CNTN2: variants seen among roughly 807,000 people sequenced by gnomAD.
CNTN2 encodes contactin-2.
Under a neutral mutation model 117.5 loss-of-function variants are expected in CNTN2, and 53 were observed. The observed-to-expected ratio is 0.45, with a 90% CI of 0.36 to 0.57. The LOEUF is 0.57. Ranked by LOEUF, CNTN2 falls within the 20% of genes least tolerant of loss-of-function variation. The pLI, the probability that CNTN2 is intolerant of heterozygous loss-of-function variation, is 0.00. For missense variants in CNTN2, 1,106 were observed against 1,404.3 expected (o/e 0.79, Z 3.39); for synonymous variants, 530 against 561.7 (o/e 0.94, Z 0.80).
Position 205,074,027 on chromosome 1 carries a change from G to A in CNTN2, c.*262G>A. The stretch of plus-strand genomic sequence containing the variant: ...CACTGACGCCTATACCTGAGCTCTA[G>A]GCTGCCTGGAGGGAAGGAACAGGCC... On this transcript the variant is annotated 3_prime_UTR_variant, in exon 23 of 23. Coordinates refer to ENST00000331830, the MANE Select transcript of CNTN2 (RefSeq NM_005076.5). 1 of 588,992 alleles carries A rather than the reference G, an allele frequency of 1.7e-6. No individual in the cohort carries two copies. Among genetic ancestry groups the A allele is most frequent in the Non-Finnish European group, 3.0e-6 (1 of 331,420 alleles). 36.5% of individuals were successfully genotyped at this position (588,992 alleles called of 1,614,324 possible).
At chr1:205,071,764 G>A (rs946789966) in intron 19 of CNTN2, among the ~76,000 whole-genome samples, 183 bp from the exon 20 acceptor site, 3 of 152,184 alleles carry the variant, frequency 2.0e-5, no homozygotes, top group African/African-American at 7.2e-5. Context: ...CCAACAGACA[G>A]CAGGGACTCA....
intron 1 of CNTN2, among the ~76,000 whole-genome samples, chr1:205,049,789 T>C (rs1446175298): frequency 6.6e-6 from 1 of 152,220 alleles, no homozygotes; most frequent in Admixed American, 6.5e-5. Flanking sequence ...ATTTTCCAAC[T>C]TTTTGGAGCC....
In CNTN2 at chr1:205,067,952, A is replaced by AAAG. The variant is rs1553347452; in HGVS notation, c.2125+704_2125+705insGAA. 37 of 153,134 alleles carry AAAG rather than the reference A, an allele frequency of 2.4e-4. No homozygotes were observed. The East Asian group carries it at 2.4e-3, about 10-fold the overall frequency. The allele number at this position is 153,134 out of a possible 1,614,324, so 9.5% of individuals were successfully genotyped here. On this transcript the variant is annotated intron_variant, in intron 16 of 22. Transcript: ENST00000331830. ...CAAAAAAAAAAAAAAAAAAAAAAAA[A>AAAG]AAAGAAAGAAAAAAAGGAAATCAGT...
At position 205,065,139 on chromosome 1, in the gene CNTN2, C is replaced by T; in HGVS notation, c.1572C>T (p.Asp524=). 6.2e-7 allele frequency: 1 copy of T among 1,614,162 alleles called. No individual in the cohort carries two copies. Among genetic ancestry groups the T allele is most frequent in the East Asian group, 2.2e-5 (1 of 44,866 alleles). ...APSSADINLG[D]NLTLQCHASH... is the part of the protein sequence containing the mutation. ...CAAGTGCCGACATCAACTTGGGTGA[C>T]AACCTGACCCTACAGTGCCATGCCT... The change falls in exon 13 of 23, where the codon GAC becomes GAT. Residue 524 remains aspartate (D), a synonymous_variant. Coordinates refer to ENST00000331830, the MANE Select transcript of CNTN2 (RefSeq NM_005076.5). This position sits in a 1 kb window ranked among gnomAD's most constrained non-coding sequence, Gnocchi z 4.1.
chr1:205,070,589 G>A, intron 19 of CNTN2, 51 bp downstream of exon 19: 1 of 1,340,862 alleles, frequency 7.5e-7, no homozygotes, highest in Non-Finnish European at 1.1e-6. Context: ...GGGCTTCAAA[G>A]CCAGGTGGGA....
chr1:205,064,126 A>AGGGGGGGGGGGGGGGGTGGGGGGGGGGGG (rs11329962), intron 10 of CNTN2, among the ~76,000 whole-genome samples, 196 bp from the exon 11 acceptor site: 1 of 94,374 alleles, frequency 1.1e-5, no homozygotes, highest in Non-Finnish European at 2.5e-5. Flanking sequence ...TGAGGGGCGG[A>AGGGGGGGGGGGGGGGGTGGGGGGGGGGGG]GGGGGGGCGC....
In CNTN2 at chr1:205,073,529, AC is replaced by A. The variant is rs1034159746; in HGVS notation, c.3014-124del. ...CCGTAGGAGTCGGACTGAGAAGACCACCCAGCCGTCCGCTCCCAGGCCTGCA... is the reference window on the plus strand; with the variant it reads ...CCGTAGGAGTCGGACTGAGAAGACCACCAGCCGTCCGCTCCCAGGCCTGCA... On this transcript the variant is annotated intron_variant, in intron 22 of 22. Transcript: ENST00000331830. This position sits in a 1 kb window ranked among gnomAD's most constrained non-coding sequence, Gnocchi z 6.3. 4.4e-4 allele frequency: 383 copies of A among 866,592 alleles called. 1 individual carries two copies. In the African/African-American group the frequency reaches 6.0e-3, roughly 14 times the overall value. The allele number at this position is 866,592 out of a possible 1,614,324, so 53.7% of individuals were successfully genotyped here.
intron 1 of CNTN2, among the ~76,000 whole-genome samples, chr1:205,044,466 G>GGC (rs1372595528): frequency 6.6e-6 from 1 of 151,912 alleles, no homozygotes; most frequent in African/African-American, 2.4e-5. Context: ...CCTGGGGGGG[G>GGC]GGGTCCAGTG....
At position 205,065,346 on chromosome 1, in the gene CNTN2, T is replaced by C. The variant is rs1654226161; in HGVS notation, c.1695+84T>C. On this transcript the variant is annotated intron_variant, in intron 13 of 22. Transcript: ENST00000331830. The surrounding 1 kb of genome is among the most constrained non-coding windows in gnomAD (Gnocchi z 4.1). ...CAAGATGTCCTTAGCCATCCTCACCTTTAAGAAACCCATAGCCTAAGCGCC... is the reference window on the plus strand; with the variant it reads ...CAAGATGTCCTTAGCCATCCTCACCCTTAAGAAACCCATAGCCTAAGCGCC... 3 of 1,456,414 alleles carry C rather than the reference T, an allele frequency of 2.1e-6. No homozygotes were observed. In the South Asian group the frequency reaches 3.7e-5, roughly 18 times the overall value. The allele number at this position is 1,456,414 out of a possible 1,614,324, so 90.2% of individuals were successfully genotyped here. A position where few individuals can be genotyped will look rare whatever the true frequency, so the allele number is the denominator to read the frequency against.
In CNTN2 at chr1:205,059,845, A is replaced by G; in HGVS notation, c.797+163A>G. The G allele has an allele frequency of 1.6e-6, 1 of 619,926 alleles. No homozygotes were observed. 38.4% of individuals were successfully genotyped at this position (619,926 alleles called of 1,614,324 possible). On this transcript the variant is annotated intron_variant, in intron 7 of 22. Coordinates refer to ENST00000331830, the MANE Select transcript of CNTN2 (RefSeq NM_005076.5). This position sits in a 1 kb window ranked among gnomAD's most constrained non-coding sequence, Gnocchi z 5.6. ...TATCGACCACCACTCACTGGACAGTACCTCTCTGGGTGAGGCATCGCATAT... is the reference window on the plus strand; with the variant it reads ...TATCGACCACCACTCACTGGACAGTGCCTCTCTGGGTGAGGCATCGCATAT...
rs769398480 is a variant in CNTN2, at chr1:205,066,474, G to A, written c.1850G>A (p.Arg617Lys). The change falls in exon 15 of 23, where the codon AGG becomes AAG. Residue 617 changes from arginine to lysine, a missense_variant. Arg to Lys is a conservative substitution (Grantham distance 26). Coordinates refer to ENST00000331830, the MANE Select transcript of CNTN2 (RefSeq NM_005076.5). ...PPGPPGGVVV[R>K]DIGDTTIQLS... Reference sequence around the variant, plus strand: ...GGTCCCCCAGGAGGTGTGGTGGTGAGGGACATTGGCGACACCACCATCCAG... The same window carrying A: ...GGTCCCCCAGGAGGTGTGGTGGTGAAGGACATTGGCGACACCACCATCCAG... 1 of 1,614,042 alleles carries A rather than the reference G, an allele frequency of 6.2e-7. No individual in the cohort carries two copies. The highest frequency in any genetic ancestry group is 8.5e-7 in the Non-Finnish European group (1 of 1,180,022).
At chr1:205,046,384 T>C (rs1183525280) in intron 1 of CNTN2, among the ~76,000 whole-genome samples, 1 of 152,200 alleles carries the variant, frequency 6.6e-6, no homozygotes. Flanking sequence ...CACACCCATC[T>C]AGTCAAACCT....
Position 205,061,148 on chromosome 1 carries a change from C to T in CNTN2, c.798-97C>T. The T allele has an allele frequency of 3.0e-6, 4 of 1,352,458 alleles. No homozygotes were observed. The highest frequency in any genetic ancestry group is 1.4e-5 in the South Asian group (1 of 70,706). 83.8% of individuals were successfully genotyped at this position (1,352,458 alleles called of 1,614,324 possible). ...CCTCTGTTCCTCCCAGGCCCAGCAT[C>T]TCAGGAGGGCCTGAGAGTCTGGGTA... On this transcript the variant is annotated intron_variant, in intron 7 of 22. Transcript: ENST00000331830. This position sits in a 1 kb window ranked among gnomAD's most constrained non-coding sequence, Gnocchi z 4.8.
Position 205,067,188 on chromosome 1 carries a change from G to A in CNTN2, c.2063G>A (p.Ser688Asn). ...WMDYEFRVIA[S>N]NILGTGEPSG... ...GACTATGAGTTCCGGGTCATAGCCA[G>A]CAACATTCTGGGCACTGGGGAGCCT... The change falls in exon 16 of 23, where the codon AGC becomes AAC. Residue 688 changes from serine (S) to asparagine (N), a missense_variant. Ser to Asn is a conservative substitution (Grantham distance 46, BLOSUM62 1). Coordinates refer to ENST00000331830, the MANE Select transcript of CNTN2 (RefSeq NM_005076.5). The A allele has an allele frequency of 1.9e-6, 3 of 1,614,154 alleles. No homozygotes were observed. The highest frequency in any genetic ancestry group is 1.7e-6 in the Non-Finnish European group (2 of 1,180,008).
At position 205,067,253 on chromosome 1, in the gene CNTN2, G is replaced by A; in HGVS notation, c.2125+3G>A. On this transcript the variant is annotated splice_donor_region_variant and intron_variant, in intron 16 of 22. Coordinates refer to ENST00000331830, the MANE Select transcript of CNTN2 (RefSeq NM_005076.5). ...CAAAATCCGGACCAGGGAAGCAGGT[G>A]AGAGTCCTGTGTGTCCCAAAAAGCT... 2 of 1,611,400 alleles carry A rather than the reference G, an allele frequency of 1.2e-6. No homozygotes were observed. The highest frequency in any genetic ancestry group is 1.7e-6 in the Non-Finnish European group (2 of 1,178,738).
In CNTN2 at chr1:205,065,891, G is replaced by A. The variant is rs1165547868; in HGVS notation, c.1798G>A (p.Ala600Thr). The A allele has an allele frequency of 5.0e-6, 8 of 1,613,370 alleles. No homozygotes were observed. The African/African-American group carries it at 8.0e-5, about 16-fold the overall frequency. ...GGTGGTGGACAGCGCGTCCAAGGAGGCCACAGTCCTGGTCCGAGGTGAGGG... is the reference window on the plus strand; with the variant it reads ...GGTGGTGGACAGCGCGTCCAAGGAGACCACAGTCCTGGTCCGAGGTGAGGG... Reference protein sequence around the residue: ...QTVVDSASKEATVLVRGPPGP... With the variant: ...QTVVDSASKETTVLVRGPPGP... Residue 600 changes from alanine (A) to threonine (T), a missense_variant, in exon 14 of 23, where the codon GCC (alanine) becomes ACC (threonine). Physicochemically the swap from Ala to Thr is moderately conservative, Grantham distance 58. Transcript: ENST00000331830. This position sits in a 1 kb window ranked among gnomAD's most constrained non-coding sequence, Gnocchi z 4.1.
chr1:205,057,823 C>T lies in CNTN2; in HGVS notation c.71-98C>T. The stretch of plus-strand genomic sequence containing the variant: ...GAACAGTGCAGAAAATGGGACATTC[C>T]CATCATCAGAGAAAGTTTTACTGGA... On this transcript the variant is annotated intron_variant, in intron 2 of 22. Transcript: ENST00000331830. 2.8e-6 allele frequency: 4 copies of T among 1,423,734 alleles called. No homozygotes were observed. In the South Asian group the frequency reaches 4.1e-5, roughly 14 times the overall value. 88.2% of individuals were successfully genotyped at this position (1,423,734 alleles called of 1,614,324 possible).
At position 205,061,423 on chromosome 1, in the gene CNTN2, A is replaced by G. The variant is rs1200295669; in HGVS notation, c.973+3A>G. 3 of 1,600,808 alleles carry G rather than the reference A, an allele frequency of 1.9e-6. No individual in the cohort carries two copies. Among genetic ancestry groups the G allele is most frequent in the Admixed American group, 3.4e-5 (2 of 59,048 alleles). On this transcript the variant is annotated splice_donor_region_variant and intron_variant, in intron 8 of 22. Coordinates refer to ENST00000331830, the MANE Select transcript of CNTN2 (RefSeq NM_005076.5). The surrounding 1 kb of genome is among the most constrained non-coding windows in gnomAD (Gnocchi z 4.8). ...GCAGGGCCGCATCATCGTGCAGGGT[A>G]CAGAGCCAGGGACACCTTCTCCGCC... is the stretch of plus-strand genomic sequence containing the variant.
intron 1 of CNTN2, among the ~76,000 whole-genome samples, chr1:205,052,294 T>A (rs1023697431): frequency 2.0e-5 from 3 of 152,116 alleles, no homozygotes; most frequent in African/African-American, 7.2e-5. Context: ...GGAGGCTGGC[T>A]CTGCCCCCGC....
Sources: allele counts gnomAD v4.1 joint callset (sites outside exome capture counted in the v4.1 genomes callset), GRCh38; gene constraint gnomAD v4.1.1; non-coding constraint Gnocchi (gnomAD v3.1); transcripts MANE v1.5; gene names NCBI Gene and HGNC (gene_info 2026-07-23, HGNC 2026-07-21).